ZCCHC2: variants seen among roughly 807,000 people sequenced by gnomAD.
ZCCHC2 encodes the protein zinc finger CCHC-type containing 2.
In ZCCHC2, 39 loss-of-function variants were observed where a neutral mutation model predicts 103.6. That is an observed-to-expected ratio of 0.38 (90% CI 0.29 to 0.49). The LOEUF is 0.49. ZCCHC2 is among the 20% of genes least tolerant of loss of function. The pLI, the probability that ZCCHC2 is intolerant of heterozygous loss-of-function variation, is 0.96. For synonymous variants in ZCCHC2, 687 were observed against 608.9 expected, an observed-to-expected ratio of 1.13 and a Z score of -1.89; for missense variants, 1,483 against 1,491.0, an observed-to-expected ratio of 0.99 and a Z score of 0.09.
At chr18:62,564,496 A>G in intron 9 of ZCCHC2, 75 bp from the exon 10 acceptor site, 1 of 1,054,316 alleles carries the variant, frequency 9.5e-7, no homozygotes, top group South Asian at 1.7e-5. Flanking sequence ...CTATCATTTT[A>G]ATGTTTATTA....
chr18:62,578,895 G>C (rs973378864), downstream of ZCCHC2, among the ~76,000 whole-genome samples: 1 of 152,168 alleles, frequency 6.6e-6, no homozygotes, highest in East Asian at 1.9e-4. Flanking sequence ...CGCCTCCTGA[G>C]TAGCTGGGAT....
rs1008026905 is a variant in ZCCHC2, at chr18:62,557,789, A to T, written c.1409-898A>T. On this transcript the variant is annotated intron_variant, in intron 6 of 13. Transcript: ENST00000269499. ...CTCAGGAAAACTCACCCAAGTGAGG[A>T]GTTCATATATAAGTAATAAACTCAT... Among the ~76,000 whole-genome samples, 6 of 152,346 alleles carry T rather than the reference A, an allele frequency of 3.9e-5. No homozygotes were observed. The East Asian group carries it at 5.8e-4, about 15-fold the overall frequency.
At position 62,570,170 on chromosome 18, in the gene ZCCHC2, T is replaced by G. The variant is rs531144264; in HGVS notation, c.1914T>G (p.Ser638=). The part of the protein sequence containing the change: ...CGETSSESYS[S]PSSPRHDGRE... ...AAACATCTTCAGAGAGTTACAGTTCTCCATCTAGTCCCCGACATGATGGAA... is the reference window on the plus strand; with the variant it reads ...AAACATCTTCAGAGAGTTACAGTTCGCCATCTAGTCCCCGACATGATGGAA... Residue 638 remains serine (S), a synonymous_variant, in exon 12 of 14, where the codon TCT becomes TCG. Transcript: ENST00000269499. 26 of 1,612,406 alleles carry G rather than the reference T, an allele frequency of 1.6e-5. No homozygotes were observed. The East Asian group carries it at 5.4e-4, about 33-fold the overall frequency.
chr18:62,573,383 A>G (rs1916667005), intron 12 of ZCCHC2, among the ~76,000 whole-genome samples: 2 of 152,156 alleles, frequency 1.3e-5, no homozygotes, highest in African/African-American at 4.8e-5. Context: ...CAGGAGTAGT[A>G]GCCGATGCAG....
intron 6 of ZCCHC2, among the ~76,000 whole-genome samples, chr18:62,558,070 G>A (rs1236241695): frequency 1.3e-5 from 2 of 151,640 alleles, no homozygotes; most frequent in African/African-American, 4.9e-5. Context: ...GGTACAGAGA[G>A]CATCACTCCA....
intron 12 of ZCCHC2, 128 bp downstream of exon 12, chr18:62,570,359 T>G (rs1187691861): frequency 5.0e-6 from 6 of 1,189,576 alleles, no homozygotes; most frequent in Non-Finnish European, 7.1e-6. Context: ...ATTAACTGAT[T>G]TTAAATGTAA....
intron 4 of ZCCHC2, among the ~76,000 whole-genome samples, 193 bp from the exon 5 acceptor site, chr18:62,550,155 G>A (rs1285654307): frequency 1.3e-5 from 2 of 152,172 alleles, no homozygotes; most frequent in African/African-American, 4.8e-5. Context: ...GTCAGAAGAT[G>A]GTGCATTTCC....
intron 1 of ZCCHC2, among the ~76,000 whole-genome samples, chr18:62,535,226 GA>G (rs1914869929): frequency 6.6e-6 from 1 of 152,212 alleles, no homozygotes; most frequent in Non-Finnish European, 1.5e-5. Flanking sequence ...CCTCACCCCA[GA>G]ACACCCTGAT....
Position 62,574,824 on chromosome 18 carries a change from T to C in ZCCHC2, c.2743T>C (p.Ser915Pro). 6.2e-7 allele frequency: 1 copy of C among 1,613,932 alleles called. No individual in the cohort carries two copies. The highest frequency in any genetic ancestry group is 8.5e-7 in the Non-Finnish European group (1 of 1,179,872). ...CCTCTCAGCTGCTCAGCCACCAGCT[T>C]CCTACCCCTTACCAGGCTCTCCCCT... The part of the protein sequence containing the change: ...AGLSAAQPPA[S>P]YPLPGSPLAA... Residue 915 changes from serine to proline, a missense_variant, in exon 13 of 14, where the codon TCC (serine) becomes CCC (proline). Physicochemically the swap from Ser to Pro is moderately conservative, Grantham distance 74. Transcript: ENST00000269499.
intron 12 of ZCCHC2, among the ~76,000 whole-genome samples, 160 bp downstream of exon 12, chr18:62,570,391 A>T (rs1001386295): frequency 5.9e-5 from 9 of 152,250 alleles, no homozygotes; most frequent in African/African-American, 1.9e-4. Flanking sequence ...AGGATGTCGT[A>T]TAGATCATTG....
Position 62,542,500 on chromosome 18 carries a change from G to A in ZCCHC2, c.1054G>A (p.Val352Ile). The change falls in exon 3 of 14, where the codon GTA (valine) becomes ATA (isoleucine). Residue 352 changes from valine to isoleucine, a missense_variant and splice_region_variant. By Grantham distance (29) the Val-to-Ile change is conservative. This residue lies in a region of ZCCHC2 where 568 missense variants were observed against 525.1 expected (regional missense o/e 1.08). Coordinates refer to ENST00000269499, the MANE Select transcript of ZCCHC2 (RefSeq NM_017742.6). Reference protein sequence around the residue: ...VAPHRAQREAVHIEKIMLKGV... With the variant: ...VAPHRAQREAIHIEKIMLKGV... ...ACCGTGTGTTTTTTTTCTTTCAGCT[G>A]TACACATTGAGAAGATAATGTTGAA... The A allele has an allele frequency of 6.4e-7, 1 of 1,559,234 alleles. No homozygotes were observed.
chr18:62,582,386 A>G (rs1212685848), downstream of ZCCHC2, among the ~76,000 whole-genome samples: 6 of 152,254 alleles, frequency 3.9e-5, no homozygotes, highest in Admixed American at 3.9e-4. Context: ...CTTTTAAATT[A>G]TGGTTCAGTG....
At chr18:62,553,016 A>T (rs2145509903) in intron 5 of ZCCHC2, among the ~76,000 whole-genome samples, 1 of 152,112 alleles carries the variant, frequency 6.6e-6, no homozygotes, top group Non-Finnish European at 1.5e-5. Flanking sequence ...TTTTTACTGT[A>T]AAGATGTTAT....
Position 62,523,445 on chromosome 18 carries a change from G to A in ZCCHC2, c.21G>A (p.Pro7=). Residue 7 remains proline, a synonymous_variant, in exon 1 of 14, where the codon CCG becomes CCA. Transcript: ENST00000269499. MLRMKL[P]LKPTHPAEPP... is the part of the protein sequence containing the mutation. ...CGAGGATGCTGAGGATGAAGCTGCCGCTGAAGCCAACGCACCCCGCGGAGC... is the reference window on the plus strand; with the variant it reads ...CGAGGATGCTGAGGATGAAGCTGCCACTGAAGCCAACGCACCCCGCGGAGC... The A allele has an allele frequency of 1.8e-6, 2 of 1,097,220 alleles. No homozygotes were observed. Among genetic ancestry groups the A allele is most frequent in the Non-Finnish European group, 2.2e-6 (2 of 890,242 alleles). 68.0% of individuals were successfully genotyped at this position (1,097,220 alleles called of 1,614,324 possible).
rs1259472138 is a variant in ZCCHC2 at position 62,578,391 on chromosome 18, C to T, written c.*1812C>T. 5 of 152,620 alleles carry T rather than the reference C, an allele frequency of 3.3e-5. No individual in the cohort carries two copies. In the East Asian group the frequency reaches 9.6e-4, roughly 29 times the overall value. 9.5% of individuals were successfully genotyped at this position (152,620 alleles called of 1,614,324 possible). A position where few individuals can be genotyped will look rare whatever the true frequency, so the allele number is the denominator to read the frequency against. On this transcript the variant is annotated 3_prime_UTR_variant, in exon 14 of 14. Transcript: ENST00000269499. ...CACTTGCCAGTTGTACTTTATGGAG[C>T]TTATTTTATGATTTAAAATACTGTA...
intron 2 of ZCCHC2, among the ~76,000 whole-genome samples, 175 bp from the exon 3 acceptor site, chr18:62,542,323 T>C (rs1915229275): frequency 6.6e-6 from 1 of 152,246 alleles, no homozygotes; most frequent in Admixed American, 6.5e-5. Context: ...CACATTGCTA[T>C]GCTTCTAGTT....
chr18:62,535,641 C>T (rs1405926501), intron 1 of ZCCHC2, among the ~76,000 whole-genome samples: 1 of 152,194 alleles, frequency 6.6e-6, no homozygotes, highest in Non-Finnish European at 1.5e-5. Flanking sequence ...TGTGGTGTCT[C>T]AGGACTCCAA....
At chr18:62,559,319 TCATCC>T (rs1454300706) in intron 7 of ZCCHC2, among the ~76,000 whole-genome samples, 1 of 152,182 alleles carries the variant, frequency 6.6e-6, no homozygotes, top group Non-Finnish European at 1.5e-5. Context: ...AATGAGACAA[TCATCC>T]CAACAGAAAT....
intron 4 of ZCCHC2, among the ~76,000 whole-genome samples, chr18:62,549,141 C>T: frequency 6.6e-6 from 1 of 152,072 alleles, no homozygotes; most frequent in Admixed American, 6.5e-5. Flanking sequence ...ATGGTGTGAA[C>T]CCGGGAGGTG....
Sources: allele counts gnomAD v4.1 joint callset (sites outside exome capture counted in the v4.1 genomes callset), GRCh38; gene constraint gnomAD v4.1.1; regional missense constraint gnomAD v4.1.1; transcripts MANE v1.5; gene names NCBI Gene and HGNC (gene_info 2026-07-23, HGNC 2026-07-21).